The following RFX8 variants were observed in gnomAD, a reference collection of about 807,000 sequenced individuals.
RFX8 encodes the protein regulatory factor X8.
Under a neutral mutation model 54.6 loss-of-function variants are expected in RFX8, and 46 were observed. The ratio of observed to expected loss-of-function variants is 0.84; its 90% CI spans 0.67 to 1.08. RFX8 has a LOEUF of 1.08. Among genes scored for constraint, RFX8 ranks in the 50% least tolerant of loss-of-function variants. RFX8 has a pLI of 0.00. For missense variants in RFX8, 536 were observed against 562.3 expected, an observed-to-expected ratio of 0.95 and a Z score of 0.47; for synonymous variants, 192 against 209.5, an observed-to-expected ratio of 0.92 and a Z score of 0.72.
intron 2 of RFX8, among the ~76,000 whole-genome samples, chr2:101,448,490 A>G (rs1385087850): frequency 3.3e-5 from 5 of 152,216 alleles, no homozygotes; most frequent in South Asian, 2.1e-4. Context: ...TCATTGCTTC[A>G]CTCAAAGCCC....
intron 1 of RFX8, among the ~76,000 whole-genome samples, chr2:101,469,714 G>A (rs972286003): frequency 1.1e-4 from 16 of 152,020 alleles, no homozygotes; most frequent in African/African-American, 2.2e-4. Context: ...TGTGACAGAC[G>A]CTCATTTGTT....
chr2:101,443,309 G>A (rs923415614), intron 2 of RFX8, among the ~76,000 whole-genome samples: 9 of 152,118 alleles, frequency 5.9e-5, no homozygotes, highest in Non-Finnish European at 1.2e-4. Flanking sequence ...TTAGTGTGGA[G>A]GGGCATGGAG....
Position 101,421,822 on chromosome 2 carries a change from A to G in RFX8, c.184-45T>C, listed in dbSNP as rs1201819516. The G allele has an allele frequency of 1.2e-5, 16 of 1,390,592 alleles. No homozygotes were observed. The East Asian group carries it at 2.2e-4, about 20-fold the overall frequency. The allele number at this position is 1,390,592 out of a possible 1,614,324, so 86.1% of individuals were successfully genotyped here. On this transcript the variant is annotated intron_variant, in intron 3 of 11. Coordinates refer to ENST00000428343, the MANE Select transcript of RFX8 (RefSeq NM_001145664.2). ...TTATTTCAGCATGTGGGCCTTTTCA[A>G]TAATGAACTGATCTTCACAGACTTT...
rs1689174171 is a variant in RFX8 at position 101,459,884 on chromosome 2, GC to G, written c.72+6892del. On this transcript the variant is annotated intron_variant, in intron 2 of 11. Coordinates refer to ENST00000428343, the MANE Select transcript of RFX8 (RefSeq NM_001145664.2). ...AGTAGGGCTTGTTGCACTGCAGTGG[GC>G]TGCATCCAGTTCGAGCTTCCCAGCT... Among the ~76,000 whole-genome samples the G allele has an allele frequency of 2.0e-5, 3 of 152,204 alleles. No homozygotes were observed. In the South Asian group the frequency reaches 6.2e-4, roughly 31 times the overall value.
intron 2 of RFX8, among the ~76,000 whole-genome samples, chr2:101,444,609 A>G (rs1031786303): frequency 3.9e-5 from 6 of 152,242 alleles, no homozygotes; most frequent in African/African-American, 1.4e-4. Context: ...TGCTCCAACA[A>G]ATAATTGTGA....
intron 2 of RFX8, among the ~76,000 whole-genome samples, chr2:101,426,670 T>C (rs138574571): frequency 7.2e-5 from 11 of 152,340 alleles, no homozygotes; most frequent in African/African-American, 1.9e-4. Context: ...GAAATGTCAC[T>C]GGAGTTACAT....
intron 1 of RFX8, among the ~76,000 whole-genome samples, chr2:101,469,110 GTA>G (rs1335328653): frequency 4.2e-5 from 1 of 23,606 alleles, no homozygotes; most frequent in Non-Finnish European, 1.4e-4. Context: ...ATATATAAGT[GTA>G]TATATATATA....
intron 2 of RFX8, among the ~76,000 whole-genome samples, chr2:101,430,925 A>T (rs183740220): frequency 2.1e-4 from 32 of 152,330 alleles, no homozygotes; most frequent in Middle Eastern, 3.4e-3. Context: ...TAATCAGCAA[A>T]ATATGGTCAT....
chr2:101,452,718 T>C (rs1377548440), intron 2 of RFX8, among the ~76,000 whole-genome samples: 2 of 152,134 alleles, frequency 1.3e-5, no homozygotes, highest in Non-Finnish European at 2.9e-5. Context: ...TGCCAACACT[T>C]TGGGAGGCTG....
At chr2:101,442,992 G>A (rs1398907270) in intron 2 of RFX8, among the ~76,000 whole-genome samples, 1 of 152,176 alleles carries the variant, frequency 6.6e-6, no homozygotes, top group Non-Finnish European at 1.5e-5. Flanking sequence ...TAGAAAAGGG[G>A]TGTCTCAGAC....
chr2:101,450,179 A>C (rs924750488), intron 2 of RFX8, among the ~76,000 whole-genome samples: 6 of 152,178 alleles, frequency 3.9e-5, no homozygotes, highest in Admixed American at 3.3e-4. Flanking sequence ...AGTCAGTTAG[A>C]TACAACTAAA....
intron 2 of RFX8, among the ~76,000 whole-genome samples, chr2:101,454,865 A>G (rs1055930474): frequency 6.6e-6 from 1 of 152,088 alleles, no homozygotes; most frequent in African/African-American, 2.4e-5. Context: ...CACTCTGATG[A>G]TAGTTTCTTT....
At chr2:101,419,081 C>T in intron 4 of RFX8, 117 bp from the exon 5 acceptor site, 1 of 617,156 alleles carries the variant, frequency 1.6e-6, no homozygotes, top group Admixed American at 2.9e-5. Context: ...TGTTCCAGTG[C>T]GTGTAAAGCT....
At chr2:101,416,372 T>A (rs1165280777) in intron 6 of RFX8, among the ~76,000 whole-genome samples, 3 of 152,114 alleles carry the variant, frequency 2.0e-5, no homozygotes, top group African/African-American at 4.8e-5. Context: ...TTCTGCAACG[T>A]CCCTAAAATT....
At position 101,474,898 on chromosome 2, in the gene RFX8, C is replaced by A. The variant is rs1380912160; in HGVS notation, c.-315G>T. ...ACTGTCTCTAGGAGTTTTGAAAAAT[C>A]TCGGAGCTCTCTGGCAGGCGGGCGC... On this transcript the variant is annotated 5_prime_UTR_variant, in exon 1 of 12. Coordinates refer to ENST00000428343, the MANE Select transcript of RFX8 (RefSeq NM_001145664.2). 6.6e-6 allele frequency among the ~76,000 whole-genome samples: 1 copy of A among 152,086 alleles called. No individual in the cohort carries two copies. Among genetic ancestry groups the A allele is most frequent in the Admixed American group, 6.6e-5 (1 of 15,262 alleles).
At chr2:101,452,593 T>C (rs1181873018) in intron 2 of RFX8, 2 of 398,838 alleles carry the variant, frequency 5.0e-6, no homozygotes, top group Non-Finnish European at 8.7e-6. Flanking sequence ...AATAAAGTAA[T>C]AAGGTAACAA....
chr2:101,417,724 G>A (rs1342930054), intron 5 of RFX8, 40 bp from the exon 6 acceptor site: 3 of 1,506,394 alleles, frequency 2.0e-6, no homozygotes, highest in South Asian at 1.3e-5. Context: ...TCTGCTGATG[G>A]TGCAGGTGTG....
chr2:101,429,121 T>A, intron 2 of RFX8: 1 of 679,338 alleles, frequency 1.5e-6, no homozygotes, highest in Non-Finnish European at 2.6e-6. Context: ...TTTAGGGGTA[T>A]AACTTTTATT....
At chr2:101,473,562 G>A (rs1230441134) in intron 1 of RFX8, among the ~76,000 whole-genome samples, 1 of 152,086 alleles carries the variant, frequency 6.6e-6, no homozygotes, top group Admixed American at 6.5e-5. Context: ...TGAGAAATAT[G>A]CTTTGAAACT....
Sources: gnomAD v4.1 joint callset for allele counts (sites outside exome capture counted in the v4.1 genomes callset) on GRCh38, gnomAD v4.1.1 for gene constraint, MANE v1.5 for transcripts, NCBI Gene and HGNC (gene_info 2026-07-23, HGNC 2026-07-21) for gene names.